Variants in VPS13C observed in about 807,000 individuals in gnomAD.
The protein encoded by VPS13C is vacuolar protein sorting 13 homolog C.
VPS13C carries 358 observed loss-of-function variants against 456.8 expected under a neutral mutation model. The observed-to-expected ratio is 0.78, with a 90% CI of 0.72 to 0.86. VPS13C has a LOEUF of 0.86. Ranked by LOEUF, VPS13C falls within the 40% of genes least tolerant of loss-of-function variation. VPS13C has a pLI of 0.00. For missense variants in VPS13C, 4,818 were observed against 4,385.4 expected, an observed-to-expected ratio of 1.10 and a Z score of -2.79; for synonymous variants, 1,578 against 1,486.7, an observed-to-expected ratio of 1.06 and a Z score of -1.41.
chr15:61,961,181 G>A (rs1323540017), intron 35 of VPS13C, among the ~76,000 whole-genome samples: 1 of 151,072 alleles, frequency 6.6e-6, no homozygotes, highest in Non-Finnish European at 1.5e-5. Flanking sequence ...CTGAGGTGAG[G>A]AGTTTGAGAC....
At position 62,058,006 on chromosome 15, in the gene VPS13C, A is replaced by G. The variant is rs188167238; in HGVS notation, c.100+2269T>C. ...TAAAAAGAAAATGTCTAAAGTAAATATGGCATAATATTATAACATTGAAAT... is the reference window on the plus strand; with the variant it reads ...TAAAAAGAAAATGTCTAAAGTAAATGTGGCATAATATTATAACATTGAAAT... On this transcript the variant is annotated intron_variant, in intron 1 of 84. Coordinates refer to ENST00000644861, the MANE Select transcript of VPS13C (RefSeq NM_020821.3). 3.1e-4 allele frequency among the ~76,000 whole-genome samples: 47 copies of G among 152,350 alleles called. 1 individual carries two copies. The highest frequency in any genetic ancestry group is 2.8e-3 in the Admixed American group (43 of 15,298).
intron 49 of VPS13C, among the ~76,000 whole-genome samples, chr15:61,933,503 T>C (rs185088766): frequency 1.5e-4 from 23 of 152,226 alleles, no homozygotes; most frequent in Admixed American, 1.1e-3. Flanking sequence ...TTTGAGTATA[T>C]TGCTCACTGC....
intron 11 of VPS13C, 25 bp downstream of exon 11, chr15:62,013,014 T>C: frequency 6.3e-7 from 1 of 1,580,354 alleles, no homozygotes; most frequent in Non-Finnish European, 8.6e-7. Flanking sequence ...TGAAGTTAGC[T>C]CTTCCAAGTA....
intron 41 of VPS13C, 78 bp downstream of exon 41, chr15:61,950,280 A>G (rs777561655): frequency 6.0e-5 from 63 of 1,047,034 alleles, no homozygotes; most frequent in Admixed American, 1.3e-4. Flanking sequence ...AGAACTTACA[A>G]TCTCACAGTT....
At chr15:61,859,965 G>GC (rs1449967443) in intron 82 of VPS13C, among the ~76,000 whole-genome samples, 2 of 151,516 alleles carry the variant, frequency 1.3e-5, no homozygotes, top group Non-Finnish European at 2.9e-5. Flanking sequence ...CTTGTGTTTT[G>GC]ATTTTAAAAA....
In VPS13C at chr15:61,917,437, T is replaced by G; in HGVS notation, c.7959A>C (p.Thr2653=). ...AAGCTACATCCCAGTCTTCCCCATG[T>G]GTACATATGTAGCTCAATTCATCAG... ...ALPDELSYIC[T]HGEDWDVAYI... The change falls in exon 60 of 85, where the codon ACA becomes ACC. Residue 2653 remains threonine, a synonymous_variant. Transcript: ENST00000644861. 2 of 1,614,048 alleles carry G rather than the reference T, an allele frequency of 1.2e-6. No homozygotes were observed. Among genetic ancestry groups the G allele is most frequent in the Non-Finnish European group, 8.5e-7 (1 of 1,179,918 alleles).
intron 5 of VPS13C, among the ~76,000 whole-genome samples, chr15:62,031,904 T>A (rs759211851): frequency 6.6e-6 from 1 of 151,816 alleles, no homozygotes; most frequent in Non-Finnish European, 1.5e-5. Flanking sequence ...AAACTGTCAA[T>A]CACGAAAACA....
intron 2 of VPS13C, among the ~76,000 whole-genome samples, chr15:62,043,141 T>G (rs2048294847): frequency 6.6e-6 from 1 of 152,016 alleles, no homozygotes; most frequent in Admixed American, 6.5e-5. Flanking sequence ...ATTTAAAAAG[T>G]TGTAGCTTCC....
chr15:62,016,650 T>A (rs963240103), intron 9 of VPS13C, among the ~76,000 whole-genome samples: 1 of 152,036 alleles, frequency 6.6e-6, no homozygotes, highest in Non-Finnish European at 1.5e-5. Context: ...ATGTGCCACA[T>A]TTTCTTAATC....
rs1257950992 is a variant in VPS13C, at chr15:61,940,703, C to T, written c.5545G>A (p.Ala1849Thr). ...ATCCCTGGAATTTGCACATACCATG[C>T]TGCTGCTAAGTTTCGCTGTATGGAC... ...LLSIQRNLAA[A>T]WYVQIPGMEI... Residue 1849 changes from alanine to threonine, a missense_variant, in exon 47 of 85, where the codon GCA becomes ACA. Coordinates refer to ENST00000644861, the MANE Select transcript of VPS13C (RefSeq NM_020821.3). 20 of 1,613,672 alleles carry T rather than the reference C, an allele frequency of 1.2e-5. No homozygotes were observed. The highest frequency in any genetic ancestry group is 1.6e-5 in the Non-Finnish European group (19 of 1,179,862).
intron 53 of VPS13C, among the ~76,000 whole-genome samples, chr15:61,923,284 T>C (rs1276087908): frequency 6.6e-6 from 1 of 152,166 alleles, no homozygotes; most frequent in Non-Finnish European, 1.5e-5. Flanking sequence ...AGCTCTCCTT[T>C]GACTTACCCC....
intron 66 of VPS13C, among the ~76,000 whole-genome samples, chr15:61,897,373 A>G (rs376017318): frequency 6.6e-6 from 1 of 152,204 alleles, no homozygotes; most frequent in East Asian, 1.9e-4. Context: ...AGAAGAATGT[A>G]TAACTAGAAT....
chr15:62,012,007 T>C (rs2047057641), intron 12 of VPS13C, 100 bp downstream of exon 12: 5 of 720,906 alleles, frequency 6.9e-6, no homozygotes, highest in Non-Finnish European at 1.1e-5. Flanking sequence ...AAAATTAATA[T>C]ACTTTGACTA....
chr15:61,932,220 G>T (rs956411507), intron 49 of VPS13C, among the ~76,000 whole-genome samples: 2 of 152,134 alleles, frequency 1.3e-5, no homozygotes, highest in African/African-American at 4.8e-5. Flanking sequence ...AAGAAGGTGA[G>T]AACTTAACAG....
intron 5 of VPS13C, among the ~76,000 whole-genome samples, chr15:62,031,058 A>G (rs1310120371): frequency 1.3e-5 from 2 of 152,118 alleles, no homozygotes; most frequent in Admixed American, 1.3e-4. Context: ...ACTCACTCCA[A>G]TGAAATAAAA....
rs753983728 is a variant in VPS13C at position 62,023,730 on chromosome 15, A to T, written c.514+50T>A. 40 of 1,478,684 alleles carry T rather than the reference A, an allele frequency of 2.7e-5. 1 individual carries two copies. In the South Asian group the frequency reaches 4.8e-4, roughly 18 times the overall value. The allele number at this position is 1,478,684 out of a possible 1,614,324, so 91.6% of individuals were successfully genotyped here. On this transcript the variant is annotated intron_variant, in intron 7 of 84. Transcript: ENST00000644861. ...ATTTCACATTCCAAATCAGAAATAA[A>T]GTGGCAATGTGTATAAACAACACCA...
In VPS13C at chr15:61,909,132, T is replaced by C. The variant is rs777570347; in HGVS notation, c.8845-7A>G. 4.4e-6 allele frequency: 7 copies of C among 1,579,036 alleles called. No homozygotes were observed. The highest frequency in any genetic ancestry group is 3.4e-5 in the South Asian group (3 of 88,884). ...CCACCAAGATACCCCCATTCTATTG[T>C]AGAAAAAAAAAAAGTATGTTTGATG... On this transcript the variant is annotated splice_region_variant and splice_polypyrimidine_tract_variant and intron_variant, in intron 64 of 84. Coordinates refer to ENST00000644861, the MANE Select transcript of VPS13C (RefSeq NM_020821.3).
intron 74 of VPS13C, among the ~76,000 whole-genome samples, chr15:61,877,456 C>T (rs1211165004): frequency 5.1e-5 from 4 of 77,794 alleles, no homozygotes; most frequent in South Asian, 3.8e-4. Flanking sequence ...CCATTTTTAA[C>T]GGATGCATAG....
In VPS13C at chr15:61,867,730, T is replaced by A; in HGVS notation, c.10863+929A>T. ...TTAATATTTTATACTAATCTCTTAT[T>A]TCTGGACAGTATTACCAGGAATACC... On this transcript the variant is annotated intron_variant, in intron 81 of 84. Coordinates refer to ENST00000644861, the MANE Select transcript of VPS13C (RefSeq NM_020821.3). This position sits in a 1 kb window ranked among gnomAD's most constrained non-coding sequence, Gnocchi z 5.0. The A allele has an allele frequency of 7.0e-7, 1 of 1,427,626 alleles. No individual in the cohort carries two copies. Among genetic ancestry groups the A allele is most frequent in the Non-Finnish European group, 9.1e-7 (1 of 1,093,028 alleles). 88.4% of individuals were successfully genotyped at this position (1,427,626 alleles called of 1,614,324 possible).
Sources: allele counts gnomAD v4.1 joint callset (sites outside exome capture counted in the v4.1 genomes callset), GRCh38; gene constraint gnomAD v4.1.1; non-coding constraint Gnocchi (gnomAD v3.1); transcripts MANE v1.5; gene names NCBI Gene and HGNC (gene_info 2026-07-23, HGNC 2026-07-21).